BRSK2: variants seen among roughly 807,000 people sequenced by gnomAD.
BRSK2 encodes the protein serine/threonine-protein kinase BRSK2.
A neutral mutation model predicts 83.3 loss-of-function variants in BRSK2; 19 were observed. That is an observed-to-expected ratio of 0.23 (90% CI 0.16 to 0.33). The LOEUF is 0.33. Ranked by LOEUF, BRSK2 falls within the 10% of genes least tolerant of loss-of-function variation. The probability of loss-of-function intolerance (pLI) is 1.00; values close to 1 mark genes in which losing one functional copy is unlikely to be tolerated. For synonymous variants in BRSK2, 519 were observed against 435.4 expected, an observed-to-expected ratio of 1.19 and a Z score of -2.39; for missense variants, 798 against 1,042.3, an observed-to-expected ratio of 0.77 and a Z score of 3.23.
chr11:1,428,961 G>A (rs751393234), intron 1 of BRSK2, among the ~76,000 whole-genome samples: 5 of 151,046 alleles, frequency 3.3e-5, no homozygotes, highest in South Asian at 2.1e-4. Context: ...ACGGGTGTGT[G>A]CCCTTGGCGT....
At chr11:1,458,476 G>C (rs1426040906) in intron 18 of BRSK2, among the ~76,000 whole-genome samples, 3 of 152,052 alleles carry the variant, frequency 2.0e-5, no homozygotes, top group Non-Finnish European at 4.4e-5. Context: ...TCCCACACTG[G>C]ATGCTTTTGT....
Position 1,438,191 on chromosome 11 carries a change from A to G in BRSK2, c.187-115A>G. ...CACCAAAGGCCCCTGCGACCCCCAC[A>G]GCTGGCACCAAAGGCCCCTGCGACC... On this transcript the variant is annotated intron_variant, in intron 2 of 19. Transcript: ENST00000528841. This position sits in a 1 kb window ranked among gnomAD's most constrained non-coding sequence, Gnocchi z 6.4. The G allele has an allele frequency of 1.1e-6, 1 of 888,538 alleles. No homozygotes were observed. The highest frequency in any genetic ancestry group is 1.7e-6 in the Non-Finnish European group (1 of 577,588). The allele number at this position is 888,538 out of a possible 1,614,324, so 55.0% of individuals were successfully genotyped here.
At chr11:1,397,575 C>G (rs1046968933) in intron 1 of BRSK2, among the ~76,000 whole-genome samples, 1 of 152,264 alleles carries the variant, frequency 6.6e-6, no homozygotes, top group Non-Finnish European at 1.5e-5. Flanking sequence ...CCCCAGGGGC[C>G]TGGGCTGCAG....
intron 4 of BRSK2, 97 bp downstream of exon 4, chr11:1,441,025 ATGG>A (rs1851159117): frequency 5.9e-6 from 6 of 1,018,784 alleles, no homozygotes; most frequent in Non-Finnish European, 6.9e-6. Context: ...TACACCCCCT[ATGG>A]TGCTATTCCG....
chr11:1,410,318 T>C (rs1156606266), intron 1 of BRSK2: 4 of 69,534 alleles, frequency 5.8e-5, no homozygotes, highest in African/African-American at 7.8e-5. Flanking sequence ...CGGTGACAGT[T>C]GCAGAGTCCG....
chr11:1,396,171 C>A (rs1846076264), intron 1 of BRSK2, among the ~76,000 whole-genome samples: 3 of 151,400 alleles, frequency 2.0e-5, no homozygotes, highest in Admixed American at 2.0e-4. Context: ...CCCCTGCGTC[C>A]CCCGCTCCTC....
chr11:1,397,416 G>T (rs1228556511), intron 1 of BRSK2, among the ~76,000 whole-genome samples: 2 of 152,220 alleles, frequency 1.3e-5, no homozygotes, highest in Non-Finnish European at 2.9e-5. Context: ...CAGCAGCTGG[G>T]AGCCAGGCCC....
intron 19 of BRSK2, among the ~76,000 whole-genome samples, chr11:1,460,153 A>G (rs1847238304): frequency 6.6e-6 from 1 of 151,996 alleles, no homozygotes; most frequent in South Asian, 2.1e-4. Context: ...GGGTCTCACC[A>G]CCTGCCCCGA....
chr11:1,450,042 C>T (rs1472248453), intron 13 of BRSK2, among the ~76,000 whole-genome samples: 2 of 152,122 alleles, frequency 1.3e-5, no homozygotes, highest in Non-Finnish European at 1.5e-5. Flanking sequence ...TGTTTGTTTT[C>T]TTGTGTGTCA....
At chr11:1,449,654 C>T in intron 12 of BRSK2, 122 bp from the exon 13 acceptor site, 1 of 785,534 alleles carries the variant, frequency 1.3e-6, no homozygotes, top group Non-Finnish European at 2.1e-6. Flanking sequence ...GACCCAGGGC[C>T]TCGAGGCTCT....
Position 1,460,809 on chromosome 11 carries a change from C to T in BRSK2, c.*86C>T, listed in dbSNP as rs1293748724. On this transcript the variant is annotated 3_prime_UTR_variant, in exon 20 of 20. Transcript: ENST00000528841. The stretch of plus-strand genomic sequence containing the variant: ...GCCCTGCCCCGAGTGGACCCGCGGC[C>T]GCGCCGCCCGTCCGTCCAGACTGTT... The T allele has an allele frequency of 2.4e-5, 36 of 1,474,482 alleles. No homozygotes were observed. The highest frequency in any genetic ancestry group is 4.4e-5 in the African/African-American group (3 of 68,392). The allele number at this position is 1,474,482 out of a possible 1,614,324, so 91.3% of individuals were successfully genotyped here.
rs1590678381 is a variant in BRSK2 at position 1,454,176 on chromosome 11, G to GGGCTCACCTGTGGA, written c.1545-307_1545-306insCTCACCTGTGGAGG. 3.6e-5 allele frequency: 9 copies of GGGCTCACCTGTGGA among 248,392 alleles called. No individual in the cohort carries two copies. The East Asian group carries it at 4.3e-4, about 12-fold the overall frequency. 15.4% of individuals were successfully genotyped at this position (248,392 alleles called of 1,614,324 possible). On this transcript the variant is annotated intron_variant, in intron 15 of 19. Coordinates refer to ENST00000528841, the MANE Select transcript of BRSK2 (RefSeq NM_001256627.2). The surrounding 1 kb of genome is among the most constrained non-coding windows in gnomAD (Gnocchi z 5.2). ...TTGGTGAGGGGGGGCTCACCTGTGG[G>GGGCTCACCTGTGGA]GGGCTCACCTGTGGAGGGGCATCCC...
rs112144838 is a variant in BRSK2, at chr11:1,415,168, C to T, written c.92-20872C>T. Among the ~76,000 whole-genome samples the T allele has an allele frequency of 8.4e-3, 1,265 of 150,072 alleles. 6 individuals carry two copies. The highest frequency in any genetic ancestry group is 0.014 in the Middle Eastern group (4 of 288). On this transcript the variant is annotated intron_variant, in intron 1 of 19. Coordinates refer to ENST00000528841, the MANE Select transcript of BRSK2 (RefSeq NM_001256627.2). The stretch of plus-strand genomic sequence containing the variant: ...GGAGTGCAGTGGCGTGATCTCGGCT[C>T]ACTGCAAGCTCCGCCTCCAGGGTTG...
At chr11:1,437,740 G>A (rs1294248971) in intron 2 of BRSK2, among the ~76,000 whole-genome samples, 2 of 152,210 alleles carry the variant, frequency 1.3e-5, no homozygotes, top group African/African-American at 4.8e-5. Context: ...GAAGGGCGGA[G>A]CCCAGGCACA....
Position 1,453,611 on chromosome 11 carries a change from C to T in BRSK2, c.1545-874C>T, listed in dbSNP as rs1364902064. Among the ~76,000 whole-genome samples the T allele has an allele frequency of 2.6e-5, 4 of 152,180 alleles. 1 individual carries two copies. Among genetic ancestry groups the T allele is most frequent in the South Asian group, 4.1e-4 (2 of 4,830 alleles). ...GTTGGACCTGGTCCCCGTGCTTGTCCGGCAGGACTCCCAGGCCGCACAGTG... is the reference window on the plus strand; with the variant it reads ...GTTGGACCTGGTCCCCGTGCTTGTCTGGCAGGACTCCCAGGCCGCACAGTG... On this transcript the variant is annotated intron_variant, in intron 15 of 19. Coordinates refer to ENST00000528841, the MANE Select transcript of BRSK2 (RefSeq NM_001256627.2).
intron 1 of BRSK2, among the ~76,000 whole-genome samples, chr11:1,414,668 T>C (rs1847903564): frequency 1.3e-5 from 2 of 152,204 alleles, no homozygotes; most frequent in South Asian, 4.1e-4. Context: ...GTTAGCGCAT[T>C]CACGGTGCTA....
chr11:1,448,411 C>G (rs1852483863), intron 12 of BRSK2, among the ~76,000 whole-genome samples: 1 of 152,206 alleles, frequency 6.6e-6, no homozygotes, highest in Non-Finnish European at 1.5e-5. Context: ...GGACCCTCAC[C>G]TGTGTGCCCT....
chr11:1,441,290 G>A (rs1329526422), intron 4 of BRSK2, among the ~76,000 whole-genome samples: 1 of 19,556 alleles, frequency 5.1e-5, no homozygotes, highest in African/African-American at 1.9e-4. Flanking sequence ...CCCATTAGCT[G>A]CCCCTCAAGT....
Position 1,460,735 on chromosome 11 carries a change from C to T in BRSK2, c.*12C>T, listed in dbSNP as rs768916252. On this transcript the variant is annotated 3_prime_UTR_variant, in exon 20 of 20. Transcript: ENST00000528841. ...GCGAGCAGCCTTAGACACACTAGCC[C>T]CCCCCCCCAGCACAGCACTGACAGC... 131 of 1,389,620 alleles carry T rather than the reference C, an allele frequency of 9.4e-5. No homozygotes were observed. The highest frequency in any genetic ancestry group is 1.1e-4 in the Non-Finnish European group (121 of 1,056,732). The allele number at this position is 1,389,620 out of a possible 1,614,324, so 86.1% of individuals were successfully genotyped here. A position where few individuals can be genotyped will look rare whatever the true frequency, so the allele number is the denominator to read the frequency against.
Sources: gnomAD v4.1 joint callset for allele counts (sites outside exome capture counted in the v4.1 genomes callset) on GRCh38, gnomAD v4.1.1 for gene constraint, Gnocchi (gnomAD v3.1) non-coding constraint, MANE v1.5 for transcripts, NCBI Gene and HGNC (gene_info 2026-07-23, HGNC 2026-07-21) for gene names.